Variants in LRTM1 observed in about 807,000 individuals in gnomAD.
LRTM1 encodes the protein leucine-rich repeat and transmembrane domain-containing protein 1.
Under a neutral mutation model 32.4 loss-of-function variants are expected in LRTM1, and 38 were observed. The observed-to-expected ratio is 1.17, with a 90% CI of 0.91 to 1.54. The LOEUF is 1.54. LRTM1 is among the 40% of genes most tolerant of loss of function. The pLI, the probability that LRTM1 is intolerant of heterozygous loss-of-function variation, is 0.00. For missense variants in LRTM1, 466 were observed against 415.4 expected, an observed-to-expected ratio of 1.12 and a Z score of -1.06; for synonymous variants, 186 against 169.9, an observed-to-expected ratio of 1.09 and a Z score of -0.74.
intron 2 of LRTM1, among the ~76,000 whole-genome samples, chr3:54,920,533 G>A (rs1700813717): frequency 1.3e-5 from 2 of 152,132 alleles, no homozygotes; most frequent in South Asian, 4.1e-4. Context: ...ATTTTCCTGA[G>A]GCCAGAGGTT....
At chr3:54,931,043 C>T (rs540079202), upstream of LRTM1, among the ~76,000 whole-genome samples, 6 of 152,280 alleles carry the variant, frequency 3.9e-5, no homozygotes, top group South Asian at 1.2e-3. Flanking sequence ...TTGTAGTGAG[C>T]CGAGATCGTG....
At chr3:54,928,508 C>T (rs891145508), upstream of LRTM1, among the ~76,000 whole-genome samples, 5 of 152,146 alleles carry the variant, frequency 3.3e-5, no homozygotes, top group South Asian at 2.1e-4. Context: ...GAGGCTGACA[C>T]GGTTTGCACC....
rs566304947 is a variant in LRTM1 at position 54,953,905 on chromosome 3, G to A, written c.-222+13023C>T. On this transcript the variant is annotated intron_variant, in intron 1 of 2. Coordinates refer to the LRTM1 transcript ENST00000493075. ...CTGAGTAGCCTCTTGAGGTCACCCC[G>A]TTTTGCTAAGTGCTCCATTGTTTAT... Among the ~76,000 whole-genome samples the A allele has an allele frequency of 3.2e-4, 49 of 152,258 alleles. 1 individual carries two copies. Among genetic ancestry groups the A allele is most frequent in the Non-Finnish European group, 7.4e-5 (5 of 68,026 alleles).
Position 54,918,418 on chromosome 3 carries a change from T to G in LRTM1, c.*41A>C. ...ACATCAGCCCTACTCAGACACTATC[T>G]TCTGGCCTGCAATGACCAATCCTAT... is the stretch of plus-strand genomic sequence containing the variant. On this transcript the variant is annotated 3_prime_UTR_variant, in exon 3 of 3. Transcript: ENST00000273286. The G allele has an allele frequency of 6.5e-7, 1 of 1,545,520 alleles. No homozygotes were observed. The highest frequency in any genetic ancestry group is 8.8e-7 in the Non-Finnish European group (1 of 1,132,446).
chr3:54,924,510 A>G (rs1417935178), intron 2 of LRTM1, 109 bp downstream of exon 2: 1 of 915,682 alleles, frequency 1.1e-6, no homozygotes, highest in African/African-American at 1.7e-5. Flanking sequence ...TAAAAGCCCA[A>G]ATCCACCCCT....
chr3:54,952,485 T>C (rs1247320628), intron 1 of LRTM1, among the ~76,000 whole-genome samples: 2 of 152,200 alleles, frequency 1.3e-5, no homozygotes, highest in South Asian at 2.1e-4. Flanking sequence ...AAATAAAACA[T>C]GAGGCAAAAA....
rs372942287 is a variant in LRTM1, at chr3:54,945,738, C to T, written c.-221-20523G>A. Reference sequence around the variant, plus strand: ...ACCCCATTAGGTGTCTATAGGCAGCCTTGCTTTTTTCAAGATTATAGGTGT... The same window carrying T: ...ACCCCATTAGGTGTCTATAGGCAGCTTTGCTTTTTTCAAGATTATAGGTGT... On this transcript the variant is annotated intron_variant, in intron 1 of 2. Transcript: ENST00000493075. Among the ~76,000 whole-genome samples the T allele has an allele frequency of 2.4e-3, 358 of 152,274 alleles. 1 individual carries two copies. Among genetic ancestry groups the T allele is most frequent in the Middle Eastern group, 6.8e-3 (2 of 294 alleles).
chr3:54,958,000 A>C (rs1701943154), intron 1 of LRTM1, among the ~76,000 whole-genome samples: 1 of 152,184 alleles, frequency 6.6e-6, no homozygotes, highest in South Asian at 2.1e-4. Context: ...ACTCCCTGAG[A>C]ATAATTGATA....
intron 1 of LRTM1, among the ~76,000 whole-genome samples, chr3:54,944,727 A>C (rs1701568113): frequency 6.6e-6 from 1 of 152,000 alleles, no homozygotes; most frequent in South Asian, 2.1e-4. Context: ...AGCCTCCAAG[A>C]GTTATTTTTT....
Position 54,918,737 on chromosome 3 carries a change from C to A in LRTM1, c.760G>T (p.Val254Phe), listed in dbSNP as rs1364653453. The A allele has an allele frequency of 1.2e-6, 2 of 1,614,038 alleles. No individual in the cohort carries two copies. The highest frequency in any genetic ancestry group is 1.7e-6 in the Non-Finnish European group (2 of 1,180,024). The change falls in exon 3 of 3, where the codon GTC becomes TTC. Residue 254 changes from valine (V) to phenylalanine (F), a missense_variant. Transcript: ENST00000273286. ...TTGTGGTTCTCAGGAGGCCTCAGGA[C>A]CACACCGTGGGCAGAGCCGGGCCAC... ...AQWPGSAHGV[V>F]LRPPENHNAG... is the part of the protein sequence containing the mutation.
chr3:54,945,536 C>T (rs1452489192), intron 1 of LRTM1, among the ~76,000 whole-genome samples: 1 of 152,182 alleles, frequency 6.6e-6, no homozygotes, highest in African/African-American at 2.4e-5. Context: ...TTGAGGAGGC[C>T]TGGACTTCTT....
intron 1 of LRTM1, among the ~76,000 whole-genome samples, chr3:54,946,885 G>A (rs556385425): frequency 1.3e-5 from 2 of 152,004 alleles, no homozygotes; most frequent in Non-Finnish European, 2.9e-5. Context: ...TGGAGCTGTA[G>A]TGTGAATGAT....
chr3:54,931,857 T>C (rs1483682274), upstream of LRTM1, among the ~76,000 whole-genome samples: 4 of 152,150 alleles, frequency 2.6e-5, no homozygotes, highest in African/African-American at 7.2e-5. Context: ...ATGTAATAGC[T>C]CTTTCTCCCA....
At chr3:54,935,009 A>C (rs1388708195) in intron 1 of LRTM1, among the ~76,000 whole-genome samples, 2 of 152,240 alleles carry the variant, frequency 1.3e-5, no homozygotes, top group African/African-American at 4.8e-5. Context: ...AAGTGCTGGG[A>C]CTGCAGGCAT....
intron 1 of LRTM1, among the ~76,000 whole-genome samples, chr3:54,954,522 G>A (rs902587667): frequency 8.5e-5 from 13 of 152,166 alleles, no homozygotes; most frequent in African/African-American, 2.9e-4. Context: ...TCTTTCTGTC[G>A]GGGTCTACCA....
At chr3:54,947,996 G>A (rs17054592) in intron 1 of LRTM1, among the ~76,000 whole-genome samples, 1 of 152,130 alleles carries the variant, frequency 6.6e-6, no homozygotes, top group African/African-American at 2.4e-5. Flanking sequence ...TGGAACCACA[G>A]ATGGGGGAGA....
At chr3:54,956,046 C>G (rs115001307) in intron 1 of LRTM1, among the ~76,000 whole-genome samples, 2 of 152,188 alleles carry the variant, frequency 1.3e-5, no homozygotes, top group African/African-American at 4.8e-5. Flanking sequence ...GCCGTCCGCC[C>G]CTCCTTAATG....
chr3:54,942,893 A>AC (rs1477143262), intron 1 of LRTM1, among the ~76,000 whole-genome samples: 2 of 152,076 alleles, frequency 1.3e-5, no homozygotes, highest in Non-Finnish European at 2.9e-5. Flanking sequence ...GCGCGGTGGC[A>AC]CGTGCCTGTA....
At chr3:54,929,228 C>A (rs1701116917), upstream of LRTM1, among the ~76,000 whole-genome samples, 1 of 152,174 alleles carries the variant, frequency 6.6e-6, no homozygotes, top group Non-Finnish European at 1.5e-5. Context: ...TTAGCCCTTA[C>A]TTTACCAGGC....
Sources: gnomAD v4.1 joint callset for allele counts (sites outside exome capture counted in the v4.1 genomes callset) on GRCh38, gnomAD v4.1.1 for gene constraint, MANE v1.5 for transcripts, NCBI Gene and HGNC (gene_info 2026-07-23, HGNC 2026-07-21) for gene names.